Variants in FRMD5 observed in about 807,000 individuals in gnomAD.
FRMD5 encodes FERM domain containing 5.
FRMD5 carries 20 observed loss-of-function variants against 69.0 expected under a neutral mutation model. The observed-to-expected ratio is 0.29, with a 90% CI of 0.20 to 0.42. FRMD5 has a LOEUF of 0.42. Ranked by LOEUF, FRMD5 falls within the 10% of genes least tolerant of loss-of-function variation. The probability of loss-of-function intolerance (pLI) is 1.00; values close to 1 mark genes in which losing one functional copy is unlikely to be tolerated. For missense variants in FRMD5, 595 were observed against 708.6 expected, an observed-to-expected ratio of 0.84 and a Z score of 1.82; for synonymous variants, 271 against 260.1, an observed-to-expected ratio of 1.04 and a Z score of -0.40.
chr15:43,887,696 A>T (rs899576052), intron 10 of FRMD5, among the ~76,000 whole-genome samples: 2 of 152,168 alleles, frequency 1.3e-5, no homozygotes, highest in African/African-American at 4.8e-5. Context: ...AGCAGTTCTC[A>T]TCTCTCCAGG....
At chr15:44,095,385 T>C (rs1334414805) in intron 1 of FRMD5, among the ~76,000 whole-genome samples, 1 of 152,008 alleles carries the variant, frequency 6.6e-6, no homozygotes, top group African/African-American at 2.4e-5. Flanking sequence ...AAAAATTTTT[T>C]GTAGAGTTAG....
At chr15:44,066,045 T>G (rs1893297013) in intron 1 of FRMD5, among the ~76,000 whole-genome samples, 1 of 152,018 alleles carries the variant, frequency 6.6e-6, no homozygotes, top group Admixed American at 6.6e-5. Flanking sequence ...AAAAATGAGG[T>G]TTTCAACTCC....
At chr15:44,132,820 C>T (rs1475030513) in intron 1 of FRMD5, among the ~76,000 whole-genome samples, 1 of 151,656 alleles carries the variant, frequency 6.6e-6, no homozygotes, top group Non-Finnish European at 1.5e-5. Context: ...TACAGTGACA[C>T]AATCTTGGCT....
At chr15:44,105,422 T>C (rs2076702931) in intron 1 of FRMD5, among the ~76,000 whole-genome samples, 1 of 152,168 alleles carries the variant, frequency 6.6e-6, no homozygotes, top group African/African-American at 2.4e-5. Flanking sequence ...TTAAAACACC[T>C]GTGCTATTCA....
At chr15:43,909,047 C>T (rs16945686) in intron 5 of FRMD5, among the ~76,000 whole-genome samples, 15,882 of 151,940 alleles carry the variant, frequency 0.1, 1,271 homozygotes, top group East Asian at 0.23. Context: ...AGATCTCAGG[C>T]GCAGTTTAGG....
chr15:44,072,448 G>T (rs564608505), intron 1 of FRMD5, among the ~76,000 whole-genome samples: 98 of 152,202 alleles, frequency 6.4e-4, no homozygotes, highest in African/African-American at 2.2e-3. Flanking sequence ...TACAGTAAGA[G>T]ATTTTGAAAC....
chr15:43,881,885 A>G (rs190983946), intron 13 of FRMD5, among the ~76,000 whole-genome samples: 1 of 152,320 alleles, frequency 6.6e-6, no homozygotes, highest in Non-Finnish European at 1.5e-5. Flanking sequence ...GATCTCAGGG[A>G]AACAGCAGAG....
intron 1 of FRMD5, among the ~76,000 whole-genome samples, chr15:43,930,144 C>G (rs1334101327): frequency 1.3e-5 from 2 of 152,186 alleles, no homozygotes; most frequent in Non-Finnish European, 2.9e-5. Flanking sequence ...TTTACACTTT[C>G]TTTGAAGGGA....
chr15:44,154,276 A>T (rs1475581982), intron 1 of FRMD5, among the ~76,000 whole-genome samples: 1 of 152,076 alleles, frequency 6.6e-6, no homozygotes, highest in African/African-American at 2.4e-5. Context: ...GTGAGCCATG[A>T]TTGCACTTCA....
chr15:44,039,944 T>C (rs1191791252), intron 1 of FRMD5, among the ~76,000 whole-genome samples: 1 of 151,906 alleles, frequency 6.6e-6, no homozygotes, highest in African/African-American at 2.4e-5. Flanking sequence ...GTTAGATGAA[T>C]TGCTAACTAG....
chr15:44,195,057 T>TTG lies in FRMD5; in HGVS notation c.-4_-3insCA. 6.8e-7 allele frequency: 1 copy of TTG among 1,473,706 alleles called. No homozygotes were observed. The highest frequency in any genetic ancestry group is 9.1e-7 in the Non-Finnish European group (1 of 1,103,446). The allele number at this position is 1,473,706 out of a possible 1,614,324, so 91.3% of individuals were successfully genotyped here. A position where few individuals can be genotyped will look rare whatever the true frequency, so the allele number is the denominator to read the frequency against. On this transcript the variant is annotated 5_prime_UTR_variant, in exon 1 of 14. Coordinates refer to ENST00000417257, the MANE Select transcript of FRMD5 (RefSeq NM_032892.5). ...CCGCTCATCAACCTGCTCAGCATCT[T>TTG]CCCGCCCGCCCGCCCGGGAGCGACG...
intron 6 of FRMD5, among the ~76,000 whole-genome samples, chr15:43,904,464 G>A (rs939996214): frequency 6.6e-6 from 1 of 152,076 alleles, no homozygotes; most frequent in East Asian, 1.9e-4. Context: ...CACCTCCCAG[G>A]TTCAAGTAAT....
At chr15:43,919,071 C>T in intron 4 of FRMD5, 3 of 320,540 alleles carry the variant, frequency 9.4e-6, no homozygotes, top group Non-Finnish European at 1.9e-5. Context: ...TGGCATTTTC[C>T]AAGTATATCC....
At chr15:43,980,317 T>G (rs916622898) in intron 1 of FRMD5, among the ~76,000 whole-genome samples, 7 of 152,246 alleles carry the variant, frequency 4.6e-5, no homozygotes, top group Admixed American at 3.3e-4. Flanking sequence ...CTTCAGTAAC[T>G]GAGAATGCTG....
chr15:43,883,634 G>A, intron 13 of FRMD5, 69 bp downstream of exon 13: 1 of 1,093,896 alleles, frequency 9.1e-7, no homozygotes, highest in South Asian at 1.5e-5. Flanking sequence ...ATGCAAATTA[G>A]CCTCTTTTCA....
intron 1 of FRMD5, among the ~76,000 whole-genome samples, chr15:44,009,265 T>C (rs948072272): frequency 1.3e-5 from 2 of 152,182 alleles, no homozygotes; most frequent in Non-Finnish European, 2.9e-5. Flanking sequence ...TGATAATGAG[T>C]CAGAGAGGTA....
chr15:43,985,038 T>C (rs750288034), intron 1 of FRMD5, among the ~76,000 whole-genome samples: 10 of 150,374 alleles, frequency 6.7e-5, no homozygotes, highest in Non-Finnish European at 1.2e-4. Flanking sequence ...TTCAGCACTT[T>C]GGGAGGCCAA....
At chr15:44,061,817 T>G (rs759316329) in intron 1 of FRMD5, among the ~76,000 whole-genome samples, 3 of 152,230 alleles carry the variant, frequency 2.0e-5, no homozygotes, top group Admixed American at 1.3e-4. Flanking sequence ...GTGTTAAATC[T>G]GAAATACGGC....
chr15:43,963,914 G>A (rs191742257), intron 1 of FRMD5, among the ~76,000 whole-genome samples: 1 of 152,254 alleles, frequency 6.6e-6, no homozygotes, highest in African/African-American at 2.4e-5. Flanking sequence ...TGTGGGGTTA[G>A]GGGAGGGCGG....
Sources: gnomAD v4.1 joint callset for allele counts (sites outside exome capture counted in the v4.1 genomes callset) on GRCh38, gnomAD v4.1.1 for gene constraint, MANE v1.5 for transcripts, NCBI Gene and HGNC (gene_info 2026-07-23, HGNC 2026-07-21) for gene names.